DGCR2: variants seen among roughly 807,000 people sequenced by gnomAD.
The protein encoded by DGCR2 is DiGeorge syndrome critical region gene 2.
A neutral mutation model predicts 51.6 loss-of-function variants in DGCR2; 24 were observed. The observed-to-expected ratio is 0.47, with a 90% CI of 0.34 to 0.65. DGCR2 has a LOEUF of 0.65. Among genes scored for constraint, DGCR2 ranks in the 30% least tolerant of loss-of-function variants. The pLI, the probability that DGCR2 is intolerant of heterozygous loss-of-function variation, is 0.01. For synonymous variants in DGCR2, 340 were observed against 315.4 expected, an observed-to-expected ratio of 1.08 and a Z score of -0.82; for missense variants, 765 against 772.1, an observed-to-expected ratio of 0.99 and a Z score of 0.11.
intron 1 of DGCR2, among the ~76,000 whole-genome samples, chr22:19,118,374 CAAAAAAA>C (rs923572855): frequency 3.5e-4 from 20 of 56,764 alleles, no homozygotes; most frequent in East Asian, 1.2e-3. Flanking sequence ...CCATCGCAAA[CAAAAAAA>C]AAAAAAAAAA....
chr22:19,089,322 A>G lies in DGCR2; in HGVS notation c.202+46T>C, dbSNP rs148505562. 930 of 1,520,374 alleles carry G rather than the reference A, an allele frequency of 6.1e-4. 8 individuals carry two copies. In the East Asian group the frequency reaches 0.016, roughly 27 times the overall value. 94.2% of individuals were successfully genotyped at this position (1,520,374 alleles called of 1,614,324 possible). On this transcript the variant is annotated intron_variant, in intron 2 of 9. Coordinates refer to ENST00000263196, the MANE Select transcript of DGCR2 (RefSeq NM_005137.3). ...CAAGAGGCACAGTCACCCAGCTACAACAAAGAGACAAGGTGGTGTGTACCC... is the reference window on the plus strand; with the variant it reads ...CAAGAGGCACAGTCACCCAGCTACAGCAAAGAGACAAGGTGGTGTGTACCC...
rs116900681 is a variant in DGCR2 at position 19,090,302 on chromosome 22, A to G, written c.80-812T>C. Among the ~76,000 whole-genome samples the G allele has an allele frequency of 2.6e-5, 4 of 152,336 alleles. No homozygotes were observed. The East Asian group carries it at 7.7e-4, about 29-fold the overall frequency. Reference sequence around the variant, plus strand: ...GGGGAAAATTTCCCAATTTGATGAAAACTATAAACCCACAAATCCAGGTAG... The same window carrying G: ...GGGGAAAATTTCCCAATTTGATGAAGACTATAAACCCACAAATCCAGGTAG... On this transcript the variant is annotated intron_variant, in intron 1 of 9. Transcript: ENST00000263196.
chr22:19,047,002 C>G (rs2082497268), intron 7 of DGCR2: 1 of 155,972 alleles, frequency 6.4e-6, no homozygotes, highest in African/African-American at 2.4e-5. Context: ...GAGTTTGACT[C>G]TTGTAGCCAG....
At chr22:19,062,766 C>T (rs1306946858) in intron 5 of DGCR2, among the ~76,000 whole-genome samples, 16 of 144,254 alleles carry the variant, frequency 1.1e-4, no homozygotes, top group Middle Eastern at 3.5e-3. Flanking sequence ...CGCACACACA[C>T]ACATGCATGC....
intron 3 of DGCR2, among the ~76,000 whole-genome samples, chr22:19,066,206 C>A (rs184521408): frequency 5.1e-4 from 77 of 152,282 alleles, no homozygotes; most frequent in Non-Finnish European, 9.3e-4. Context: ...TTGAGACCAG[C>A]CTGGGCAACA....
chr22:19,065,388 C>T (rs2082737256), intron 3 of DGCR2, among the ~76,000 whole-genome samples: 5 of 152,240 alleles, frequency 3.3e-5, no homozygotes, highest in Admixed American at 3.3e-4. Flanking sequence ...CAACACAGCA[C>T]AACTCCCATG....
At chr22:19,088,026 T>A (rs2083037322) in intron 2 of DGCR2, among the ~76,000 whole-genome samples, 1 of 152,146 alleles carries the variant, frequency 6.6e-6, no homozygotes, top group South Asian at 2.1e-4. Flanking sequence ...GACCAGACCA[T>A]CTCTGCTTCT....
At chr22:19,056,564 A>AC (rs57017507) in intron 6 of DGCR2, 66 of 338,140 alleles carry the variant, frequency 2.0e-4, no homozygotes, top group African/African-American at 7.0e-4. Flanking sequence ...TAAAAAAAAA[A>AC]AAACACACAC....
intron 6 of DGCR2, among the ~76,000 whole-genome samples, chr22:19,051,317 T>C (rs1211633909): frequency 2.6e-5 from 4 of 152,104 alleles, no homozygotes; most frequent in African/African-American, 9.7e-5. Context: ...AACAAAACTT[T>C]TGTTCCTGAA....
rs534557251 is a variant in DGCR2, at chr22:19,121,061, G to C, written c.79+1067C>G. 5.9e-5 allele frequency among the ~76,000 whole-genome samples: 9 copies of C among 152,340 alleles called. No homozygotes were observed. In the South Asian group the frequency reaches 1.9e-3, roughly 32 times the overall value. On this transcript the variant is annotated intron_variant, in intron 1 of 9. Coordinates refer to ENST00000263196, the MANE Select transcript of DGCR2 (RefSeq NM_005137.3). ...AGATGACACAAGCGCAGAGCCAAGA[G>C]GTGCGGTGTATCTGGGCTGGGAGCC... is the stretch of plus-strand genomic sequence containing the variant.
intron 1 of DGCR2, among the ~76,000 whole-genome samples, chr22:19,098,428 T>G (rs537849929): frequency 6.6e-6 from 1 of 152,200 alleles, no homozygotes; most frequent in East Asian, 1.9e-4. Flanking sequence ...TCAACCCTGC[T>G]GCCGTGGAGC....
chr22:19,068,251 G>GT, intron 2 of DGCR2, 26 bp from the exon 3 acceptor site: 2 of 1,568,954 alleles, frequency 1.3e-6, no homozygotes, highest in Non-Finnish European at 1.7e-6. Flanking sequence ...GATGTGTGCT[G>GT]TGAGTCCTGC....
rs763819171 is a variant in DGCR2, at chr22:19,048,572, G to C, written c.874C>G (p.Pro292Ala). ...GFYFTPKGDDPCLSCTCHGGE... is the reference protein window; with the variant it reads ...GFYFTPKGDDACLSCTCHGGE... Reference sequence around the variant, plus strand: ...CCATGGCAGGTGCAGCTCAGGCATGGGTCGTCCCCCTTAGGGGTGAAGTAG... The same window carrying C: ...CCATGGCAGGTGCAGCTCAGGCATGCGTCGTCCCCCTTAGGGGTGAAGTAG... Residue 292 changes from proline to alanine, a missense_variant, in exon 7 of 10, where the codon CCA (proline) becomes GCA (alanine). Coordinates refer to ENST00000263196, the MANE Select transcript of DGCR2 (RefSeq NM_005137.3). The C allele has an allele frequency of 6.2e-7, 1 of 1,614,104 alleles. No homozygotes were observed. The highest frequency in any genetic ancestry group is 8.5e-7 in the Non-Finnish European group (1 of 1,180,050).
intron 2 of DGCR2, among the ~76,000 whole-genome samples, chr22:19,079,478 T>C (rs1477548928): frequency 6.6e-6 from 1 of 152,218 alleles, no homozygotes; most frequent in Non-Finnish European, 1.5e-5. Flanking sequence ...AGTTGCTTAT[T>C]AATGTTTTCT....
intron 7 of DGCR2, chr22:19,048,198 T>G: frequency 7.1e-6 from 4 of 566,866 alleles, no homozygotes; most frequent in Admixed American, 3.1e-5. Flanking sequence ...TTCAAGTTCA[T>G]TTGTGAATGC....
At chr22:19,096,413 T>C (rs765800596) in intron 1 of DGCR2, among the ~76,000 whole-genome samples, 2 of 152,304 alleles carry the variant, frequency 1.3e-5, no homozygotes, top group Admixed American at 6.5e-5. Flanking sequence ...TAGTTAATAA[T>C]GGTTTATTCT....
intron 1 of DGCR2, among the ~76,000 whole-genome samples, chr22:19,109,114 T>C (rs80222698): frequency 0.016 from 2,494 of 152,194 alleles, 89 homozygotes; most frequent in East Asian, 0.062. Context: ...CCCATTAGGA[T>C]AGCCACTGTC....
chr22:19,063,537 G>C (rs531644739), intron 4 of DGCR2, among the ~76,000 whole-genome samples: 2 of 148,282 alleles, frequency 1.3e-5, no homozygotes, highest in Non-Finnish European at 3.0e-5. Flanking sequence ...TTTTAGTAGA[G>C]ACGGGGTTTC....
intron 1 of DGCR2, among the ~76,000 whole-genome samples, chr22:19,110,729 G>A (rs1431776092): frequency 6.6e-6 from 1 of 152,070 alleles, no homozygotes; most frequent in Non-Finnish European, 1.5e-5. Flanking sequence ...ATCACAGCAT[G>A]AACTCTATGC....
Sources: gnomAD v4.1 joint callset for allele counts (sites outside exome capture counted in the v4.1 genomes callset) on GRCh38, gnomAD v4.1.1 for gene constraint, MANE v1.5 for transcripts, NCBI Gene and HGNC (gene_info 2026-07-23, HGNC 2026-07-21) for gene names.